The following ETFDH variants were observed in gnomAD, a reference collection of about 807,000 sequenced individuals.
ETFDH encodes the protein electron transfer flavoprotein-ubiquinone oxidoreductase, mitochondrial.
ETFDH carries 61 observed loss-of-function variants against 73.2 expected under a neutral mutation model. The ratio of observed to expected loss-of-function variants is 0.83; its 90% CI spans 0.68 to 1.03. The LOEUF is 1.03. ETFDH is among the 50% of genes least tolerant of loss of function. ETFDH has a pLI of 0.00. For missense variants in ETFDH, 685 were observed against 745.0 expected, an observed-to-expected ratio of 0.92 and a Z score of 0.94; for synonymous variants, 243 against 253.3, an observed-to-expected ratio of 0.96 and a Z score of 0.39.
At chr4:158,704,076 G>C (rs962863680) in intron 10 of ETFDH, among the ~76,000 whole-genome samples, 2 of 152,194 alleles carry the variant, frequency 1.3e-5, no homozygotes, top group African/African-American at 2.4e-5. Flanking sequence ...TCCAGCCTGG[G>C]CAACAAGAGC....
At chr4:158,678,174 G>T (rs1773758469) in intron 1 of ETFDH, among the ~76,000 whole-genome samples, 1 of 152,140 alleles carries the variant, frequency 6.6e-6, no homozygotes, top group African/African-American at 2.4e-5. Flanking sequence ...TTAAACTACA[G>T]ATTTTATTCA....
At chr4:158,689,636 A>ATATATATATATAT (rs765147554) in intron 5 of ETFDH, among the ~76,000 whole-genome samples, 20 of 63,642 alleles carry the variant, frequency 3.1e-4, no homozygotes, top group African/African-American at 3.7e-4. Flanking sequence ...ATATATATAT[A>ATATATATATATAT]TTGTGGGGGG....
intron 7 of ETFDH, 96 bp from the exon 8 acceptor site, chr4:158,697,463 T>C (rs1774337275): frequency 3.1e-6 from 3 of 981,756 alleles, no homozygotes; most frequent in Non-Finnish European, 4.7e-6. Flanking sequence ...TTTTCATAAA[T>C]AAGACATTAA....
intron 1 of ETFDH, among the ~76,000 whole-genome samples, chr4:158,674,769 T>C (rs1184045343): frequency 6.6e-6 from 1 of 152,232 alleles, no homozygotes; most frequent in African/African-American, 2.4e-5. Flanking sequence ...TCAACAAATA[T>C]GTATACCTAA....
chr4:158,679,749 T>G (rs1324044781), intron 1 of ETFDH: 1 of 152,078 alleles, frequency 6.6e-6, no homozygotes, highest in Non-Finnish European at 1.5e-5. Context: ...TTTTGCTGAC[T>G]CAAAAATGTA....
In ETFDH at chr4:158,680,493, A is replaced by T. The variant is rs780991832; in HGVS notation, c.61A>T (p.Ile21Phe). 2.5e-6 allele frequency: 4 copies of T among 1,605,842 alleles called. No homozygotes were observed. Among genetic ancestry groups the T allele is most frequent in the Non-Finnish European group, 3.4e-6 (4 of 1,172,582 alleles). The stretch of plus-strand genomic sequence containing the variant: ...ATATCAGTGCTTTCATGCCTTAAAA[A>T]TTAAGAAAAATTATCTACCTCTATG... The part of the protein sequence containing the change: ...LAYQCFHALK[I>F]KKNYLPLCAT... Residue 21 changes from isoleucine to phenylalanine, a missense_variant, in exon 2 of 13, where the codon ATT becomes TTT. This residue lies in a region of ETFDH where 405 missense variants were observed against 399.3 expected (regional missense o/e 1.01). Transcript: ENST00000511912.
At position 158,684,621 on chromosome 4, in the gene ETFDH, C is replaced by T. The variant is rs1773954053; in HGVS notation, c.435C>T (p.Asp145=). 6.3e-7 allele frequency: 1 copy of T among 1,584,880 alleles called. No individual in the cohort carries two copies. The highest frequency in any genetic ancestry group is 8.7e-7 in the Non-Finnish European group (1 of 1,153,550). The change falls in exon 4 of 13, where the codon GAC becomes GAT. Residue 145 remains aspartate, a synonymous_variant. Coordinates refer to ENST00000511912, the MANE Select transcript of ETFDH (RefSeq NM_004453.4). ...GAPLNTPVTE[D]RFGILTEKYR... ...CACTTAACACTCCTGTAACAGAAGA[C>T]AGATTTGGAATTTTAACAGAGAAAT...
In ETFDH at chr4:158,708,388, A is replaced by T. The variant is rs1169887640; in HGVS notation, c.1715A>T (p.Glu572Val). ...GGAGTTTATGAATTTGTACCTGTGGAACAAGGTGATGGATTTCGGTTACAG... is the reference window on the plus strand; with the variant it reads ...GGAGTTTATGAATTTGTACCTGTGGTACAAGGTGATGGATTTCGGTTACAG... ...PAGVYEFVPV[E>V]QGDGFRLQIN... is the part of the protein sequence containing the mutation. The change falls in exon 13 of 13, where the codon GAA becomes GTA. Residue 572 changes from glutamate (E) to valine (V), a missense_variant. Physicochemically the swap from Glu to Val is moderately radical, Grantham distance 121 (BLOSUM62 -2). Transcript: ENST00000511912. 1 of 1,611,014 alleles carries T rather than the reference A, an allele frequency of 6.2e-7. No individual in the cohort carries two copies.
intron 10 of ETFDH, among the ~76,000 whole-genome samples, chr4:158,703,935 A>G (rs1774535762): frequency 6.6e-6 from 1 of 152,164 alleles, no homozygotes; most frequent in South Asian, 2.1e-4. Context: ...CGTCTCTACT[A>G]AAAATACAAA....
chr4:158,699,216 A>G, intron 9 of ETFDH, 86 bp downstream of exon 9: 1 of 1,149,522 alleles, frequency 8.7e-7, no homozygotes, highest in South Asian at 1.3e-5. Flanking sequence ...GATAAAGAAT[A>G]AAAACAATAT....
intron 10 of ETFDH, among the ~76,000 whole-genome samples, chr4:158,703,892 C>T (rs1774534255): frequency 6.6e-6 from 1 of 152,108 alleles, no homozygotes. Context: ...AAGTCAGGAG[C>T]TCGAGACTAG....
In ETFDH at chr4:158,691,182, A is replaced by G. The variant is rs146350469; in HGVS notation, c.684+757A>G. On this transcript the variant is annotated intron_variant, in intron 6 of 12. Transcript: ENST00000511912. Reference sequence around the variant, plus strand: ...TCAAACATATACACATTTATAGGCCATCAATCCACTGCATTAACCAAATAC... The same window carrying G: ...TCAAACATATACACATTTATAGGCCGTCAATCCACTGCATTAACCAAATAC... Among the ~76,000 whole-genome samples, 341 of 152,376 alleles carry G rather than the reference A, an allele frequency of 2.2e-3. 2 individuals are homozygous for G. The highest frequency in any genetic ancestry group is 8.0e-3 in the African/African-American group (331 of 41,596).
At chr4:158,673,097 A>G (rs1365982763) in intron 1 of ETFDH, among the ~76,000 whole-genome samples, 2 of 152,180 alleles carry the variant, frequency 1.3e-5, no homozygotes, top group East Asian at 3.9e-4. Flanking sequence ...TGAGGTCAGG[A>G]GTTCAAGACC....
intron 9 of ETFDH, among the ~76,000 whole-genome samples, chr4:158,703,111 A>G (rs1378521706): frequency 6.6e-6 from 1 of 152,230 alleles, no homozygotes; most frequent in Non-Finnish European, 1.5e-5. Flanking sequence ...TGACATGGAT[A>G]TGTGTAAATA....
At chr4:158,708,249 C>A in intron 12 of ETFDH, 115 bp from the exon 13 acceptor site, 1 of 705,642 alleles carries the variant, frequency 1.4e-6, no homozygotes, top group Non-Finnish European at 2.4e-6. Context: ...TATGGGTAAG[C>A]ATTCAGAAAG....
In ETFDH at chr4:158,690,411, G is replaced by A; in HGVS notation, c.670G>A (p.Asp224Asn). Reference sequence around the variant, plus strand: ...CACTAACGATGTAGGGATACAAAAGGATGGTGCACCAAAGGTAAACCTTTT... The same window carrying A: ...CACTAACGATGTAGGGATACAAAAGAATGGTGCACCAAAGGTAAACCTTTT... ...IATNDVGIQK[D>N]GAPKATFERG... is the part of the protein sequence containing the mutation. Residue 224 changes from aspartate (D) to asparagine (N), a missense_variant, in exon 6 of 13, where the codon GAT becomes AAT. Asp to Asn is a conservative substitution (Grantham distance 23). This residue lies in a region of ETFDH where 405 missense variants were observed against 399.3 expected (regional missense o/e 1.01). Coordinates refer to ENST00000511912, the MANE Select transcript of ETFDH (RefSeq NM_004453.4). 1 of 1,582,860 alleles carries A rather than the reference G, an allele frequency of 6.3e-7. No homozygotes were observed. The highest frequency in any genetic ancestry group is 8.7e-7 in the Non-Finnish European group (1 of 1,151,474).
chr4:158,701,551 TCAC>T (rs1287550056), intron 9 of ETFDH, among the ~76,000 whole-genome samples: 12 of 152,366 alleles, frequency 7.9e-5, no homozygotes, highest in Middle Eastern at 6.8e-3. Context: ...GTTTTGCTTT[TCAC>T]CACTATTCCC....
At chr4:158,677,973 T>G (rs2150303179) in intron 1 of ETFDH, among the ~76,000 whole-genome samples, 2 of 152,362 alleles carry the variant, frequency 1.3e-5, no homozygotes, top group Middle Eastern at 6.8e-3. Flanking sequence ...TAGGGTTTGA[T>G]CTTTCTTGAG....
intron 12 of ETFDH, among the ~76,000 whole-genome samples, 156 bp from the exon 13 acceptor site, chr4:158,708,208 A>G (rs564060506): frequency 4.6e-5 from 7 of 152,214 alleles, no homozygotes; most frequent in Non-Finnish European, 1.0e-4. Context: ...CACTCACATC[A>G]ATAGCAATGC....
Sources: gnomAD v4.1 joint callset for allele counts (sites outside exome capture counted in the v4.1 genomes callset) on GRCh38, gnomAD v4.1.1 for gene constraint, gnomAD v4.1.1 regional missense constraint, MANE v1.5 for transcripts, NCBI Gene and HGNC (gene_info 2026-07-23, HGNC 2026-07-21) for gene names.